Variants in NCEH1 observed in about 807,000 individuals in gnomAD.
The protein encoded by NCEH1 is 2-acetyl MAGE hydrolase.
A neutral mutation model predicts 25.4 loss-of-function variants in NCEH1; 9 were observed. The observed-to-expected ratio is 0.35, with a 90% CI of 0.21 to 0.62. The LOEUF (loss-of-function observed/expected upper bound fraction) is 0.62, where lower values mean the gene tolerates loss of function less well. Ranked by LOEUF, NCEH1 falls within the 20% of genes least tolerant of loss-of-function variation. NCEH1 has a pLI of 0.72. For missense variants in NCEH1, 412 were observed against 501.1 expected (o/e 0.82, Z 1.70); for synonymous variants, 200 against 199.8 (o/e 1.00, Z -0.01).
chr3:172,689,912 T>TA (rs201350697), intron 1 of NCEH1, among the ~76,000 whole-genome samples: 1,687 of 149,208 alleles, frequency 0.011, 39 homozygotes, highest in African/African-American at 0.04. Context: ...TTTATTTATT[T>TA]TTTTTTTTTG....
At chr3:172,697,192 G>A (rs749813400) in intron 1 of NCEH1, among the ~76,000 whole-genome samples, 5 of 151,850 alleles carry the variant, frequency 3.3e-5, no homozygotes, top group Non-Finnish European at 7.4e-5. Context: ...GCCTCCCAAA[G>A]TGCTAGGGTA....
intron 1 of NCEH1, among the ~76,000 whole-genome samples, chr3:172,683,935 C>T (rs1165603969): frequency 6.6e-6 from 1 of 152,208 alleles, no homozygotes; most frequent in African/African-American, 2.4e-5. Context: ...TTTTCCTCCT[C>T]TCATACCATG....
In NCEH1 at chr3:172,630,884, TAA is replaced by T. The variant is rs1716313610; in HGVS notation, c.*2589_*2590del. 6.6e-6 allele frequency: 1 copy of T among 152,152 alleles called. No individual in the cohort carries two copies. Among genetic ancestry groups the T allele is most frequent in the South Asian group, 2.1e-4 (1 of 4,826 alleles). 9.4% of individuals were successfully genotyped at this position (152,152 alleles called of 1,614,324 possible). A position where few individuals can be genotyped will look rare whatever the true frequency, so the allele number is the denominator to read the frequency against. Reference sequence around the variant, plus strand: ...TAGTCTTAAATTCTTCACAAATCAATAAAACATTAATTTATACTTCACTATAC... The same window carrying T: ...TAGTCTTAAATTCTTCACAAATCAATAACATTAATTTATACTTCACTATAC... On this transcript the variant is annotated 3_prime_UTR_variant, in exon 5 of 5. Transcript: ENST00000475381.
intron 1 of NCEH1, among the ~76,000 whole-genome samples, chr3:172,663,316 G>T (rs1043174708): frequency 2.0e-5 from 3 of 152,176 alleles, no homozygotes; most frequent in Non-Finnish European, 2.9e-5. Context: ...TTGCACTGTG[G>T]TCTGAGAGAC....
chr3:172,645,047 G>A (rs963270608), intron 3 of NCEH1, among the ~76,000 whole-genome samples: 15 of 152,052 alleles, frequency 9.9e-5, no homozygotes, highest in Admixed American at 6.6e-4. Flanking sequence ...AAAAGATGGC[G>A]TGATTTTTGT....
chr3:172,636,867 T>C (rs907450486), intron 3 of NCEH1, among the ~76,000 whole-genome samples: 1 of 152,126 alleles, frequency 6.6e-6, no homozygotes, highest in Non-Finnish European at 1.5e-5. Context: ...CACATCTACA[T>C]TGGCAATCTT....
chr3:172,656,689 C>A (rs1350226987), intron 1 of NCEH1, among the ~76,000 whole-genome samples: 2 of 152,124 alleles, frequency 1.3e-5, no homozygotes, highest in African/African-American at 2.4e-5. Context: ...TTGCTTGACA[C>A]CGGGAGGCAG....
intron 1 of NCEH1, among the ~76,000 whole-genome samples, chr3:172,655,440 T>C (rs891281197): frequency 3.3e-5 from 5 of 152,228 alleles, no homozygotes; most frequent in Non-Finnish European, 7.3e-5. Context: ...TTTATGTGTA[T>C]GGAGTATCAG....
chr3:172,677,634 T>G (rs1365722939), intron 1 of NCEH1, among the ~76,000 whole-genome samples: 1 of 136,230 alleles, frequency 7.3e-6, no homozygotes, highest in Non-Finnish European at 1.6e-5. Context: ...CAAAGCAAGC[T>G]GTTGGTGGGG....
chr3:172,686,435 T>C (rs1416931061), intron 1 of NCEH1, among the ~76,000 whole-genome samples: 1 of 152,244 alleles, frequency 6.6e-6, no homozygotes, highest in Non-Finnish European at 1.5e-5. Flanking sequence ...GATGTCCACA[T>C]AGTGTGTATT....
intron 3 of NCEH1, among the ~76,000 whole-genome samples, chr3:172,637,598 C>CA (rs1356222763): frequency 1.3e-5 from 2 of 150,638 alleles, no homozygotes; most frequent in Admixed American, 6.6e-5. Flanking sequence ...ACTAAAAATA[C>CA]AAAAAAAGGG....
At chr3:172,701,356 C>T (rs1054667302) in intron 1 of NCEH1, among the ~76,000 whole-genome samples, 3 of 152,060 alleles carry the variant, frequency 2.0e-5, no homozygotes, top group Non-Finnish European at 2.9e-5. Flanking sequence ...CTCTCCCCTC[C>T]AACAGCAACT....
At chr3:172,665,646 G>C (rs1028872077) in intron 1 of NCEH1, among the ~76,000 whole-genome samples, 1 of 152,164 alleles carries the variant, frequency 6.6e-6, no homozygotes, top group Admixed American at 6.5e-5. Context: ...CACCCAGTTC[G>C]AGCTTCCTGG....
chr3:172,635,699 T>C (rs1020276123), intron 4 of NCEH1, among the ~76,000 whole-genome samples: 1 of 152,128 alleles, frequency 6.6e-6, no homozygotes, highest in African/African-American at 2.4e-5. Flanking sequence ...TCAGGGACTT[T>C]ACAAAGACTC....
rs531858422 is a variant in NCEH1, at chr3:172,632,655, C to G, written c.*820G>C. On this transcript the variant is annotated 3_prime_UTR_variant, in exon 5 of 5. Transcript: ENST00000475381. Reference sequence around the variant, plus strand: ...TTTTATGTGAAACACTAGGTTGTTTCATTTGTCTGTTTTTACTTGCTCTAT... The same window carrying G: ...TTTTATGTGAAACACTAGGTTGTTTGATTTGTCTGTTTTTACTTGCTCTAT... The G allele has an allele frequency of 4.2e-4, 64 of 152,510 alleles. No individual in the cohort carries two copies. The highest frequency in any genetic ancestry group is 1.4e-3 in the African/African-American group (60 of 41,568). The allele number at this position is 152,510 out of a possible 1,614,324, so 9.4% of individuals were successfully genotyped here.
chr3:172,670,736 C>T (rs1053852202), intron 1 of NCEH1, among the ~76,000 whole-genome samples: 7 of 151,870 alleles, frequency 4.6e-5, no homozygotes, highest in Admixed American at 2.6e-4. Context: ...TAATAATTTC[C>T]GTTTTATATG....
chr3:172,686,471 C>T (rs950020792), intron 1 of NCEH1, among the ~76,000 whole-genome samples: 5 of 152,164 alleles, frequency 3.3e-5, no homozygotes, highest in African/African-American at 1.2e-4. Flanking sequence ...AGGGTGGATG[C>T]TTGCTCTTAT....
intron 1 of NCEH1, among the ~76,000 whole-genome samples, chr3:172,653,019 T>TA (rs1185924576): frequency 6.6e-6 from 1 of 152,092 alleles, no homozygotes; most frequent in Non-Finnish European, 1.5e-5. Context: ...GAAACCTCTT[T>TA]AGAAGGAGCT....
At chr3:172,652,979 A>G (rs1288617177) in intron 1 of NCEH1, among the ~76,000 whole-genome samples, 6 of 152,124 alleles carry the variant, frequency 3.9e-5, no homozygotes, top group African/African-American at 1.4e-4. Context: ...TGTTGGGATT[A>G]CAGATGTTAG....
Sources: allele counts gnomAD v4.1 joint callset (sites outside exome capture counted in the v4.1 genomes callset), GRCh38; gene constraint gnomAD v4.1.1; transcripts MANE v1.5; gene names NCBI Gene and HGNC (gene_info 2026-07-23, HGNC 2026-07-21).